SGCZ: variants seen among roughly 807,000 people sequenced by gnomAD.
SGCZ encodes sarcoglycan zeta, also known as zeta-sarcoglycan.
SGCZ carries 40 observed loss-of-function variants against 41.3 expected under a neutral mutation model. The observed-to-expected ratio is 0.97, with a 90% confidence interval of 0.75 to 1.26. The LOEUF is 1.26. Ranked by LOEUF, SGCZ falls within the 50% of genes most tolerant of loss-of-function variation. The pLI, the probability that SGCZ is intolerant of heterozygous loss-of-function variation, is 0.00. For missense variants in SGCZ, 552 were observed against 369.8 expected (o/e 1.49, Z -4.04); for synonymous variants, 206 against 137.5 (o/e 1.50, Z -3.49).
chr8:14,547,616 C>T (rs550371140), intron 2 of SGCZ, among the ~76,000 whole-genome samples: 260 of 152,256 alleles, frequency 1.7e-3, no homozygotes, highest in Non-Finnish European at 3.1e-3. Context: ...ACTCTAAGGT[C>T]TGTTTTAAAG....
At chr8:14,366,065 G>C (rs1255370261) in intron 2 of SGCZ, among the ~76,000 whole-genome samples, 2 of 151,958 alleles carry the variant, frequency 1.3e-5, no homozygotes, top group Non-Finnish European at 2.9e-5. Context: ...TGGAAACTTT[G>C]ATCATTTTTA....
At chr8:14,937,600 C>G (rs1186740985) in intron 1 of SGCZ, among the ~76,000 whole-genome samples, 1 of 151,958 alleles carries the variant, frequency 6.6e-6, no homozygotes, top group East Asian at 1.9e-4. Context: ...AACATATATA[C>G]GTACGCATAT....
At chr8:15,000,626 A>C (rs1158928168) in intron 1 of SGCZ, among the ~76,000 whole-genome samples, 11 of 152,132 alleles carry the variant, frequency 7.2e-5, no homozygotes, top group Non-Finnish European at 1.5e-5. Context: ...CGTGTACAGC[A>C]AAGAACAGAG....
rs143160784 is a variant in SGCZ, at chr8:14,197,418, C to A, written c.425-32716G>T. Reference sequence around the variant, plus strand: ...TGGATAATCATAATTATGAACAAATCAAATAAAGCAATATTAATAAAAATG... The same window carrying A: ...TGGATAATCATAATTATGAACAAATAAAATAAAGCAATATTAATAAAAATG... On this transcript the variant is annotated intron_variant, in intron 4 of 7. Transcript: ENST00000382080. Among the ~76,000 whole-genome samples the A allele has an allele frequency of 1.9e-4, 29 of 151,828 alleles. No individual in the cohort carries two copies. In the East Asian group the frequency reaches 4.5e-3, roughly 23 times the overall value.
intron 4 of SGCZ, among the ~76,000 whole-genome samples, chr8:14,222,111 T>C (rs1806216154): frequency 6.6e-6 from 1 of 152,168 alleles, no homozygotes; most frequent in Non-Finnish European, 1.5e-5. Context: ...GAGATGGTAC[T>C]TTAGCTTTAG....
In SGCZ at chr8:14,170,244, T is replaced by C. The variant is rs550003221; in HGVS notation, c.425-5542A>G. On this transcript the variant is annotated intron_variant, in intron 4 of 7. Coordinates refer to ENST00000382080, the MANE Select transcript of SGCZ (RefSeq NM_139167.4). ...TTTAATTAAAAGAAAAAATATGCTC[T>C]AGCATTTCCTGAAGTAATGCTGTGA... Among the ~76,000 whole-genome samples, 13 of 152,234 alleles carry C rather than the reference T, an allele frequency of 8.5e-5. No individual in the cohort carries two copies. In the South Asian group the frequency reaches 2.5e-3, roughly 29 times the overall value.
chr8:15,004,873 T>TTCTTTCATCTA (rs59114901), intron 1 of SGCZ, among the ~76,000 whole-genome samples: 1 of 151,504 alleles, frequency 6.6e-6, no homozygotes, highest in Non-Finnish European at 1.5e-5. Context: ...AACTGACGGG[T>TTCTTTCATCTA]TCTTTGTGTG....
chr8:14,649,238 A>G (rs1807320304), intron 1 of SGCZ, among the ~76,000 whole-genome samples: 1 of 152,024 alleles, frequency 6.6e-6, no homozygotes, highest in South Asian at 2.1e-4. Flanking sequence ...CTTCCTTTCT[A>G]TTGTTTCCTA....
chr8:14,372,188 C>A (rs1049819736), intron 2 of SGCZ, among the ~76,000 whole-genome samples: 8 of 152,064 alleles, frequency 5.3e-5, no homozygotes, highest in Non-Finnish European at 1.0e-4. Context: ...AACTCTCTCA[C>A]AGTAAGTAGG....
rs142547834 is a variant in SGCZ, at chr8:15,162,051, T to C, written c.39+75534A>G. Among the ~76,000 whole-genome samples, 666 of 152,304 alleles carry C rather than the reference T, an allele frequency of 4.4e-3. 4 individuals carry two copies. Among genetic ancestry groups the C allele is most frequent in the African/African-American group, 0.014 (597 of 41,574 alleles). On this transcript the variant is annotated intron_variant, in intron 1 of 7. Transcript: ENST00000382080. ...GCAAACTGCCTTGACTATATGCCTA[T>C]AGAGATTTACTGTAAACAGAATCAG...
chr8:14,237,508 C>T (rs558984435), intron 4 of SGCZ, 84 bp downstream of exon 4: 26 of 1,155,346 alleles, frequency 2.3e-5, no homozygotes, highest in East Asian at 2.0e-4. Flanking sequence ...ACAACAACAA[C>T]GACAACAACA....
At chr8:14,497,786 T>G (rs1373410684) in intron 2 of SGCZ, among the ~76,000 whole-genome samples, 3 of 152,094 alleles carry the variant, frequency 2.0e-5, no homozygotes, top group African/African-American at 7.2e-5. Context: ...GGGAACGCAT[T>G]TCAGCATGAG....
intron 2 of SGCZ, among the ~76,000 whole-genome samples, chr8:14,462,460 A>T (rs1329461081): frequency 6.6e-6 from 1 of 151,954 alleles, no homozygotes; most frequent in East Asian, 1.9e-4. Context: ...AAGTCTTTTC[A>T]TCTTGCATAA....
At chr8:14,300,342 A>C (rs549768621) in intron 3 of SGCZ, among the ~76,000 whole-genome samples, 17 of 151,864 alleles carry the variant, frequency 1.1e-4, no homozygotes, top group Admixed American at 1.1e-3. Flanking sequence ...ACACGGAGGA[A>C]GAAAGCGGGG....
chr8:14,635,983 G>A (rs1334430002), intron 1 of SGCZ, among the ~76,000 whole-genome samples: 2 of 151,812 alleles, frequency 1.3e-5, no homozygotes, highest in Non-Finnish European at 2.9e-5. Context: ...TACCCAAGAA[G>A]GTTTGGTTAA....
chr8:14,812,967 G>T (rs1022233111), intron 1 of SGCZ, among the ~76,000 whole-genome samples: 1 of 152,090 alleles, frequency 6.6e-6, no homozygotes, highest in Non-Finnish European at 1.5e-5. Flanking sequence ...AACTCAAGAA[G>T]CATGTTCCCA....
chr8:14,220,153 G>T (rs1806142080), intron 4 of SGCZ, among the ~76,000 whole-genome samples: 1 of 152,038 alleles, frequency 6.6e-6, no homozygotes, highest in African/African-American at 2.4e-5. Context: ...ACACCAAAAG[G>T]GAGGCAGAAG....
intron 1 of SGCZ, among the ~76,000 whole-genome samples, chr8:14,925,794 G>A (rs1370834275): frequency 6.6e-6 from 1 of 152,084 alleles, no homozygotes; most frequent in South Asian, 2.1e-4. Flanking sequence ...TCAATTCCAT[G>A]TCCCTTATTT....
intron 1 of SGCZ, among the ~76,000 whole-genome samples, chr8:14,827,461 T>G (rs1306363042): frequency 6.6e-6 from 1 of 152,084 alleles, no homozygotes; most frequent in Non-Finnish European, 1.5e-5. Context: ...GTTCTCAAAC[T>G]CCTGACTTCA....
Sources: allele counts gnomAD v4.1 joint callset (sites outside exome capture counted in the v4.1 genomes callset), GRCh38; gene constraint gnomAD v4.1.1; transcripts MANE v1.5; gene names NCBI Gene and HGNC (gene_info 2026-07-23, HGNC 2026-07-21).